DPF3: variants seen among roughly 807,000 people sequenced by gnomAD.
DPF3 encodes zinc finger protein DPF3.
In DPF3, 18 loss-of-function variants were observed where a neutral mutation model predicts 56.8. That is an observed-to-expected ratio of 0.32 (90% CI 0.22 to 0.47). The LOEUF (loss-of-function observed/expected upper bound fraction) is 0.47, where lower values mean the gene tolerates loss of function less well. Ranked by LOEUF, DPF3 falls within the 20% of genes least tolerant of loss-of-function variation. DPF3 has a pLI of 1.00. For synonymous variants in DPF3, 188 were observed against 180.2 expected (o/e 1.04, Z -0.35); for missense variants, 403 against 488.8 (o/e 0.82, Z 1.65).
chr14:72,747,265 T>A (rs982566423), intron 3 of DPF3, among the ~76,000 whole-genome samples: 15 of 152,198 alleles, frequency 9.9e-5, no homozygotes, highest in Non-Finnish European at 1.9e-4. Flanking sequence ...AGCATGCTCT[T>A]CGGACTCTGG....
At chr14:72,818,240 C>CA (rs71109750) in intron 1 of DPF3, among the ~76,000 whole-genome samples, 3,194 of 133,542 alleles carry the variant, frequency 0.024, 38 homozygotes, top group Non-Finnish European at 0.032. Context: ...GACTCTGCCT[C>CA]AAAAAAAAAA....
At chr14:72,829,774 C>T (rs1020427254) in intron 1 of DPF3, among the ~76,000 whole-genome samples, 1 of 149,670 alleles carries the variant, frequency 6.7e-6, no homozygotes, top group Non-Finnish European at 1.5e-5. Context: ...GACAGAGTCT[C>T]GCTCTGTCAC....
chr14:72,610,775 C>T lies in DPF3; in HGVS notation c.*8522G>A, dbSNP rs1472482394. Among the ~76,000 whole-genome samples, 4 of 152,210 alleles carry T rather than the reference C, an allele frequency of 2.6e-5. No homozygotes were observed. Among genetic ancestry groups the T allele is most frequent in the African/African-American group, 9.6e-5 (4 of 41,460 alleles). ...GGCTCTTGGGCTCCCAGGTTCATCCCTCAAGGAGCTGGGGACCTGAGGGCT... is the reference window on the plus strand; with the variant it reads ...GGCTCTTGGGCTCCCAGGTTCATCCTTCAAGGAGCTGGGGACCTGAGGGCT... On this transcript the variant is annotated 3_prime_UTR_variant, in exon 11 of 11. Coordinates refer to ENST00000556509, the MANE Select transcript of DPF3 (RefSeq NM_001280542.3).
intron 1 of DPF3, among the ~76,000 whole-genome samples, chr14:72,789,504 C>G (rs1436226605): frequency 6.6e-6 from 1 of 152,088 alleles, no homozygotes; most frequent in Non-Finnish European, 1.5e-5. Context: ...TTATTTAAGT[C>G]ATCCTTTTCT....
In DPF3 at chr14:72,723,601, C is replaced by T. The variant is rs1161879934; in HGVS notation, c.525+32G>A. On this transcript the variant is annotated intron_variant, in intron 5 of 10. Coordinates refer to ENST00000556509, the MANE Select transcript of DPF3 (RefSeq NM_001280542.3). ...GGCCGGGCACCCCAGCCTCCCTCAT[C>T]TCTTTCCTCGCTCATGTCATCCCCA... 1.9e-6 allele frequency: 3 copies of T among 1,542,086 alleles called. No homozygotes were observed. The Admixed American group carries it at 6.9e-5, about 36-fold the overall frequency.
At chr14:72,756,822 C>CAGAA (rs71109746) in intron 2 of DPF3, among the ~76,000 whole-genome samples, 3,495 of 70,030 alleles carry the variant, frequency 0.05, 155 homozygotes, top group African/African-American at 0.071. Flanking sequence ...GAAAGAAAGA[C>CAGAA]AGAAAGAAAG....
At chr14:72,714,625 T>C (rs1446125648) in intron 5 of DPF3, 124 bp from the exon 6 acceptor site, 2 of 1,075,612 alleles carry the variant, frequency 1.9e-6, no homozygotes, top group Admixed American at 2.3e-5. Flanking sequence ...CAGTCCCATC[T>C]TACAGGGGAG....
intron 1 of DPF3, among the ~76,000 whole-genome samples, chr14:72,873,149 G>A (rs1885968277): frequency 6.6e-6 from 1 of 151,744 alleles, no homozygotes; most frequent in Non-Finnish European, 1.5e-5. Flanking sequence ...TACAGAATGG[G>A]AGAAAATTTT....
chr14:72,801,317 T>C (rs1365011414), intron 1 of DPF3, among the ~76,000 whole-genome samples: 1 of 152,170 alleles, frequency 6.6e-6, no homozygotes, highest in Non-Finnish European at 1.5e-5. Context: ...GACCCCAGGA[T>C]GGCTGGTGAG....
At chr14:72,860,874 C>A (rs1049550988) in intron 1 of DPF3, among the ~76,000 whole-genome samples, 32 of 152,150 alleles carry the variant, frequency 2.1e-4, no homozygotes, top group African/African-American at 6.0e-4. Context: ...CAGCTTAATT[C>A]TTTTAATTGA....
At chr14:72,893,476 G>C (rs1429417569) in intron 1 of DPF3, among the ~76,000 whole-genome samples, 2 of 152,064 alleles carry the variant, frequency 1.3e-5, no homozygotes, top group Non-Finnish European at 2.9e-5. Flanking sequence ...CTTCCCCCGC[G>C]GTGCTCCAAC....
chr14:72,786,589 T>C (rs1892221717), intron 1 of DPF3, among the ~76,000 whole-genome samples: 1 of 152,180 alleles, frequency 6.6e-6, no homozygotes, highest in South Asian at 2.1e-4. Context: ...CATCTGGACC[T>C]TTACAGAAAA....
chr14:72,759,584 G>GGGAAGGAAGGAAGGAA (rs36112242), intron 2 of DPF3, among the ~76,000 whole-genome samples: 7 of 149,790 alleles, frequency 4.7e-5, no homozygotes, highest in South Asian at 2.1e-4. Flanking sequence ...AGGGAAGAAA[G>GGGAAGGAAGGAAGGAA]GGAAGGAAGG....
At chr14:72,697,645 C>G (rs781026430) in intron 6 of DPF3, among the ~76,000 whole-genome samples, 2 of 152,086 alleles carry the variant, frequency 1.3e-5, no homozygotes, top group Non-Finnish European at 2.9e-5. Flanking sequence ...ATCCTGAGGA[C>G]CAAGTTAAGC....
At chr14:72,659,293 G>A (rs532369251) in intron 8 of DPF3, among the ~76,000 whole-genome samples, 2 of 152,310 alleles carry the variant, frequency 1.3e-5, no homozygotes, top group South Asian at 2.1e-4. Flanking sequence ...ACATGTTTCC[G>A]AGTGGATGAG....
chr14:72,786,391 G>A (rs142646977), intron 1 of DPF3, among the ~76,000 whole-genome samples: 29 of 152,330 alleles, frequency 1.9e-4, no homozygotes, highest in African/African-American at 6.7e-4. Flanking sequence ...ATCGTTTATG[G>A]CAAGGGTCAA....
At chr14:72,746,904 G>A (rs139124076) in intron 3 of DPF3, among the ~76,000 whole-genome samples, 122 of 152,372 alleles carry the variant, frequency 8.0e-4, no homozygotes, top group African/African-American at 2.8e-3. Flanking sequence ...CCCCTCACAT[G>A]TTACGGCAGG....
intron 6 of DPF3, among the ~76,000 whole-genome samples, chr14:72,712,211 G>C (rs1291717811): frequency 6.6e-6 from 1 of 152,160 alleles, no homozygotes; most frequent in African/African-American, 2.4e-5. Context: ...AGGTGGGAGA[G>C]AGCCTGCGGG....
rs1453382509 is a variant in DPF3, at chr14:72,614,882, C to A, written c.*4415G>T. On this transcript the variant is annotated 3_prime_UTR_variant, in exon 11 of 11. Coordinates refer to ENST00000556509, the MANE Select transcript of DPF3 (RefSeq NM_001280542.3). The stretch of plus-strand genomic sequence containing the variant: ...GGACATCCAGCTCTCTGCCTTTTTC[C>A]ACCAGAGATCCTCACCCCTCCCAAA... 6.6e-6 allele frequency among the ~76,000 whole-genome samples: 1 copy of A among 152,038 alleles called. No individual in the cohort carries two copies. The highest frequency in any genetic ancestry group is 1.5e-5 in the Non-Finnish European group (1 of 67,956).
Sources: gnomAD v4.1 joint callset for allele counts (sites outside exome capture counted in the v4.1 genomes callset) on GRCh38, gnomAD v4.1.1 for gene constraint, MANE v1.5 for transcripts, NCBI Gene and HGNC (gene_info 2026-07-23, HGNC 2026-07-21) for gene names.